TRAF3IP2: variants seen among roughly 807,000 people sequenced by gnomAD.
TRAF3IP2 encodes the protein E3 ubiquitin ligase TRAF3IP2.
Under a neutral mutation model 57.9 loss-of-function variants are expected in TRAF3IP2, and 35 were observed. The observed-to-expected ratio is 0.60, with a 90% CI of 0.46 to 0.80. The LOEUF (loss-of-function observed/expected upper bound fraction) is 0.80. TRAF3IP2 is among the 30% of genes least tolerant of loss of function. The pLI, the probability that TRAF3IP2 is intolerant of heterozygous loss-of-function variation, is 0.00. For synonymous variants in TRAF3IP2, 251 were observed against 268.9 expected (o/e 0.93, Z 0.65); for missense variants, 556 against 706.4 (o/e 0.79, Z 2.41).
intron 1 of TRAF3IP2, among the ~76,000 whole-genome samples, chr6:111,595,104 C>T (rs1167047462): frequency 2.0e-5 from 3 of 152,030 alleles, no homozygotes; most frequent in African/African-American, 7.2e-5. Context: ...TGGTGGCAGG[C>T]ACCTGTAACC....
intron 1 of TRAF3IP2, among the ~76,000 whole-genome samples, chr6:111,594,163 CCT>C (rs1796610845): frequency 6.8e-6 from 1 of 147,754 alleles, no homozygotes; most frequent in Non-Finnish European, 1.5e-5. Context: ...CCATTTTTTC[CCT>C]TTCTTTCTTG....
chr6:111,575,737 A>G lies in TRAF3IP2; in HGVS notation c.1107T>C (p.Val369=), dbSNP rs1307459515. The change falls in exon 4 of 9, where the codon GTT becomes GTC. Residue 369 remains valine, a synonymous_variant. Transcript: ENST00000368761. ...LECPAELRPQ[V]PQPPSPAAVP... ...CAGCAGCTGGGGACGGAGGCTGGGG[A>G]ACCTGTGGTCTCAGCTCTGCAGGGC... The G allele has an allele frequency of 1.2e-6, 2 of 1,612,594 alleles. No homozygotes were observed. Among genetic ancestry groups the G allele is most frequent in the Non-Finnish European group, 1.7e-6 (2 of 1,179,586 alleles).
intron 1 of TRAF3IP2, chr6:111,601,132 G>C: frequency 1.4e-6 from 1 of 724,676 alleles, no homozygotes; most frequent in Admixed American, 1.8e-5. Context: ...AGGGAAGAAA[G>C]GGGATGGGGA....
intron 4 of TRAF3IP2, 71 bp downstream of exon 4, chr6:111,575,572 A>G (rs1288336595): frequency 1.3e-6 from 2 of 1,513,164 alleles, no homozygotes; most frequent in African/African-American, 1.5e-5. Flanking sequence ...TGGGCAACAG[A>G]GCGAGACTCC....
At chr6:111,598,914 T>G (rs1796775732) in intron 1 of TRAF3IP2, among the ~76,000 whole-genome samples, 1 of 147,938 alleles carries the variant, frequency 6.8e-6, no homozygotes, top group Middle Eastern at 3.2e-3. Flanking sequence ...GGTGAGAACA[T>G]GTGCCTGGGG....
Position 111,591,574 on chromosome 6 carries a change from C to T in TRAF3IP2, c.513G>A (p.Leu171=). 1 of 1,614,220 alleles carries T rather than the reference C, an allele frequency of 6.2e-7. No homozygotes were observed. ...GTTGCACCATCTCCTGGCTACCGCC[C>T]AAGGAGTCTGCTGAGGCATTAGGTA... ...QSLPNASADS[L]GGSQEMVQRP... is the part of the protein sequence containing the mutation. Residue 171 remains leucine (L), a synonymous_variant, in exon 2 of 9, where the codon TTG becomes TTA. Transcript: ENST00000368761. The surrounding 1 kb of genome is among the most constrained non-coding windows in gnomAD (Gnocchi z 4.9).
chr6:111,573,030 A>G, intron 4 of TRAF3IP2, 47 bp from the exon 5 acceptor site: 1 of 1,394,670 alleles, frequency 7.2e-7, no homozygotes, highest in Non-Finnish European at 1.0e-6. Context: ...AAATTATTCT[A>G]TTGTAAACAA....
intron 1 of TRAF3IP2, among the ~76,000 whole-genome samples, chr6:111,596,689 G>A (rs1014777671): frequency 1.3e-5 from 2 of 152,152 alleles, no homozygotes; most frequent in Non-Finnish European, 2.9e-5. Flanking sequence ...CCTGACCTCA[G>A]GTGATCCGCC....
At chr6:111,595,563 C>T (rs1447259270) in intron 1 of TRAF3IP2, among the ~76,000 whole-genome samples, 4 of 152,210 alleles carry the variant, frequency 2.6e-5, no homozygotes, top group Non-Finnish European at 5.9e-5. Context: ...GGCGCCGTGA[C>T]TCACGCCTGT....
chr6:111,579,159 T>G (rs1796082995), intron 3 of TRAF3IP2, among the ~76,000 whole-genome samples: 1 of 150,806 alleles, frequency 6.6e-6, no homozygotes, highest in African/African-American at 2.5e-5. Flanking sequence ...TGAAACCCCG[T>G]GTCTACTAAA....
chr6:111,573,006 A>G (rs1007823915), intron 4 of TRAF3IP2, 23 bp from the exon 5 acceptor site: 1 of 1,526,278 alleles, frequency 6.6e-7, no homozygotes, highest in Admixed American at 1.7e-5. Context: ...TTTTACATTT[A>G]TTAGAAACTG....
chr6:111,597,423 G>T (rs921495921), intron 1 of TRAF3IP2, among the ~76,000 whole-genome samples: 6 of 152,046 alleles, frequency 3.9e-5, no homozygotes, highest in Admixed American at 6.5e-5. Context: ...TACCACACAG[G>T]CCCCCTCCAG....
chr6:111,590,156 A>G (rs2128381607), intron 2 of TRAF3IP2, among the ~76,000 whole-genome samples: 1 of 152,372 alleles, frequency 6.6e-6, no homozygotes, highest in South Asian at 2.1e-4. Flanking sequence ...TGCTTCCTGC[A>G]CTGATACATA....
At chr6:111,582,755 G>A (rs1440210180) in intron 2 of TRAF3IP2, among the ~76,000 whole-genome samples, 5 of 152,134 alleles carry the variant, frequency 3.3e-5, no homozygotes, top group Non-Finnish European at 7.4e-5. Flanking sequence ...AGCTAGAACC[G>A]TCTTGGTGGA....
intron 6 of TRAF3IP2, chr6:111,566,850 A>T (rs922782621): frequency 9.5e-6 from 4 of 423,196 alleles, no homozygotes; most frequent in African/African-American, 8.1e-5. Context: ...CGAATCACTG[A>T]GTGAGTCTGT....
Position 111,559,291 on chromosome 6 carries a change from G to A in TRAF3IP2, c.*114C>T, listed in dbSNP as rs1315266480. 1.0e-5 allele frequency: 15 copies of A among 1,434,138 alleles called. No homozygotes were observed. The highest frequency in any genetic ancestry group is 6.9e-5 in the East Asian group (3 of 43,696). The allele number at this position is 1,434,138 out of a possible 1,614,324, so 88.8% of individuals were successfully genotyped here. ...TTTCCTGGGGGCCAGAGGGCCTCTC[G>A]GGGAGGAACAGAAAAAAACCAGCCA... On this transcript the variant is annotated 3_prime_UTR_variant, in exon 9 of 9. Transcript: ENST00000368761.
At chr6:111,594,970 G>A (rs1386469149) in intron 1 of TRAF3IP2, among the ~76,000 whole-genome samples, 1 of 152,242 alleles carries the variant, frequency 6.6e-6, no homozygotes. Context: ...GGTGGCTAAT[G>A]CCTATAGTCC....
intron 7 of TRAF3IP2, among the ~76,000 whole-genome samples, chr6:111,564,401 A>G (rs777303877): frequency 2.0e-5 from 3 of 152,216 alleles, no homozygotes; most frequent in Non-Finnish European, 4.4e-5. Context: ...AGGACTCCGT[A>G]TACTGTGAAG....
At chr6:111,575,604 AAAAAG>A in intron 4 of TRAF3IP2, 34 bp downstream of exon 4, 13 of 1,547,616 alleles carry the variant, frequency 8.4e-6, no homozygotes, top group Admixed American at 4.1e-5. Flanking sequence ...AAAAAAAAAA[AAAAAG>A]AGGAAGGAGA....
Sources: allele counts gnomAD v4.1 joint callset (sites outside exome capture counted in the v4.1 genomes callset), GRCh38; gene constraint gnomAD v4.1.1; non-coding constraint Gnocchi (gnomAD v3.1); transcripts MANE v1.5; gene names NCBI Gene and HGNC (gene_info 2026-07-23, HGNC 2026-07-21).